SAP30BP: variants seen among roughly 807,000 people sequenced by gnomAD.
The protein encoded by SAP30BP is SAP30 binding protein, also known as SAP30-binding protein.
A neutral mutation model predicts 46.3 loss-of-function variants in SAP30BP; 31 were observed. The observed-to-expected ratio is 0.67, with a 90% CI of 0.50 to 0.90. The LOEUF (loss-of-function observed/expected upper bound fraction) is 0.90, where lower values mean the gene tolerates loss of function less well. Ranked by LOEUF, SAP30BP falls within the 40% of genes least tolerant of loss-of-function variation. SAP30BP has a pLI of 0.00. For synonymous variants in SAP30BP, 169 were observed against 144.2 expected, an observed-to-expected ratio of 1.17 and a Z score of -1.23; for missense variants, 312 against 391.0, an observed-to-expected ratio of 0.80 and a Z score of 1.70.
intron 3 of SAP30BP, among the ~76,000 whole-genome samples, chr17:75,678,772 A>G (rs2060030604): frequency 6.6e-6 from 1 of 152,160 alleles, no homozygotes; most frequent in Admixed American, 6.6e-5. Flanking sequence ...GTAGAGCTGG[A>G]AGACAGAAGA....
chr17:75,668,357 G>A (rs966405306), intron 1 of SAP30BP, among the ~76,000 whole-genome samples, 159 bp from the exon 2 acceptor site: 1 of 152,118 alleles, frequency 6.6e-6, no homozygotes, highest in East Asian at 1.9e-4. Context: ...TCAGAGAGCC[G>A]AATCTGGGCC....
intron 2 of SAP30BP, among the ~76,000 whole-genome samples, chr17:75,670,543 G>T (rs893927651): frequency 1.3e-5 from 2 of 152,160 alleles, no homozygotes; most frequent in Non-Finnish European, 2.9e-5. Context: ...TTTGCATAAT[G>T]TGTTTTTGAA....
intron 3 of SAP30BP, chr17:75,690,555 C>T: frequency 7.7e-6 from 3 of 391,154 alleles, no homozygotes; most frequent in South Asian, 5.6e-5. Flanking sequence ...TGGACTCAAG[C>T]AGTCAGGCCC....
intron 3 of SAP30BP, among the ~76,000 whole-genome samples, chr17:75,674,929 C>G (rs1430752115): frequency 6.6e-6 from 1 of 151,806 alleles, no homozygotes; most frequent in Non-Finnish European, 1.5e-5. Flanking sequence ...TCTTGAACTC[C>G]TGGGCTCAAG....
At chr17:75,680,927 G>C (rs2060066957) in intron 3 of SAP30BP, among the ~76,000 whole-genome samples, 1 of 152,138 alleles carries the variant, frequency 6.6e-6, no homozygotes. Flanking sequence ...CCAGGTACTT[G>C]GGAGGCTGAG....
rs768104571 is a variant in SAP30BP at position 75,706,311 on chromosome 17, C to T, written c.746-29C>T. 19 of 1,603,864 alleles carry T rather than the reference C, an allele frequency of 1.2e-5. No homozygotes were observed. The African/African-American group carries it at 1.7e-4, about 15-fold the overall frequency. The stretch of plus-strand genomic sequence containing the variant: ...AAGAGGGCACCGCTCATTGGTGGAT[C>T]GTGATCCTGATTTCTGCTTTATCTC... On this transcript the variant is annotated intron_variant, in intron 10 of 10. Coordinates refer to ENST00000584667, the MANE Select transcript of SAP30BP (RefSeq NM_013260.8). The surrounding 1 kb of genome is among the most constrained non-coding windows in gnomAD (Gnocchi z 4.6).
Position 75,703,574 on chromosome 17 carries a change from C to T in SAP30BP, c.549+203C>T, listed in dbSNP as rs997888381. 9.4e-6 allele frequency: 6 copies of T among 636,146 alleles called. No homozygotes were observed. In the African/African-American group the frequency reaches 1.1e-4, roughly 12 times the overall value. The allele number at this position is 636,146 out of a possible 1,614,324, so 39.4% of individuals were successfully genotyped here. On this transcript the variant is annotated intron_variant, in intron 7 of 10. Coordinates refer to ENST00000584667, the MANE Select transcript of SAP30BP (RefSeq NM_013260.8). ...TCCGGTGGCCGGCCTGGTGCCTGGC[C>T]CCTGACTGGTGGGGACATGTGTGGA...
intron 5 of SAP30BP, 169 bp downstream of exon 5, chr17:75,700,040 T>C: frequency 1.9e-6 from 1 of 520,424 alleles, no homozygotes. Flanking sequence ...CCTGTTAGCC[T>C]CATCTCAGGA....
intron 3 of SAP30BP, chr17:75,691,637 G>T: frequency 2.7e-6 from 1 of 375,114 alleles, no homozygotes; most frequent in Non-Finnish European, 5.2e-6. Flanking sequence ...GGCCTCTGCA[G>T]TTGAGTCCAT....
At chr17:75,705,569 A>G in intron 9 of SAP30BP, 7 of 984,166 alleles carry the variant, frequency 7.1e-6, no homozygotes, top group Non-Finnish European at 8.6e-6. Flanking sequence ...CCCTTGATTG[A>G]ATCTCCCTTC....
At chr17:75,670,587 C>T (rs2059894149) in intron 2 of SAP30BP, among the ~76,000 whole-genome samples, 1 of 152,200 alleles carries the variant, frequency 6.6e-6, no homozygotes, top group Non-Finnish European at 1.5e-5. Flanking sequence ...TTAGAATTTT[C>T]ATCATGTTTA....
At chr17:75,667,829 TAA>T (rs1247509917) in intron 1 of SAP30BP, among the ~76,000 whole-genome samples, 1 of 152,234 alleles carries the variant, frequency 6.6e-6, no homozygotes, top group East Asian at 1.9e-4. Flanking sequence ...TGGAAGATGG[TAA>T]AGATTGTGTT....
chr17:75,681,080 T>C (rs2060068999), intron 3 of SAP30BP, among the ~76,000 whole-genome samples: 1 of 152,218 alleles, frequency 6.6e-6, no homozygotes, highest in Admixed American at 6.5e-5. Flanking sequence ...GTTTCTTATG[T>C]CATTAGCTTC....
chr17:75,668,266 T>TTA, intron 1 of SAP30BP: 4 of 451,630 alleles, frequency 8.9e-6, no homozygotes, highest in Non-Finnish European at 1.2e-5. Flanking sequence ...TATCTAGTGT[T>TTA]TATAGCATTA....
At chr17:75,668,707 T>C in intron 2 of SAP30BP, 82 bp downstream of exon 2, 1 of 900,032 alleles carries the variant, frequency 1.1e-6, no homozygotes, top group Non-Finnish European at 1.7e-6. Flanking sequence ...CAGTGTTCCA[T>C]TTCATGGTTA....
chr17:75,676,707 G>T (rs2059995337), intron 3 of SAP30BP, among the ~76,000 whole-genome samples: 1 of 152,206 alleles, frequency 6.6e-6, no homozygotes, highest in Admixed American at 6.5e-5. Flanking sequence ...CCTGAGGTCA[G>T]CTGCAGTCTG....
intron 3 of SAP30BP, among the ~76,000 whole-genome samples, chr17:75,672,441 A>G (rs561644152): frequency 1.3e-5 from 2 of 152,310 alleles, no homozygotes; most frequent in South Asian, 2.1e-4. Flanking sequence ...AGCAGCCAAG[A>G]GTAATTTGTA....
At chr17:75,705,187 G>C in intron 9 of SAP30BP, 1 of 268,516 alleles carries the variant, frequency 3.7e-6, no homozygotes, top group South Asian at 4.1e-5. Flanking sequence ...TTGGCCTCCA[G>C]AGCTGCCCTC....
chr17:75,667,664 G>A (rs1238741138), intron 1 of SAP30BP, among the ~76,000 whole-genome samples, 186 bp downstream of exon 1: 1 of 152,208 alleles, frequency 6.6e-6, no homozygotes, highest in African/African-American at 2.4e-5. Flanking sequence ...TCTCCTTCCC[G>A]TTATTTCGAT....
Sources: allele counts gnomAD v4.1 joint callset (sites outside exome capture counted in the v4.1 genomes callset), GRCh38; gene constraint gnomAD v4.1.1; non-coding constraint Gnocchi (gnomAD v3.1); transcripts MANE v1.5; gene names NCBI Gene and HGNC (gene_info 2026-07-23, HGNC 2026-07-21).